The following WDR4 variants were observed in gnomAD, a reference collection of about 807,000 sequenced individuals.
WDR4 encodes WDR4 tRNA N7-guanosine methyltransferase non-catalytic subunit.
WDR4 carries 47 observed loss-of-function variants against 48.6 expected under a neutral mutation model. That is an observed-to-expected ratio of 0.97 (90% CI 0.77 to 1.23). The LOEUF (loss-of-function observed/expected upper bound fraction) is 1.23. Among genes scored for constraint, WDR4 ranks in the 50% most tolerant of loss-of-function variants. The pLI is 0.00. For synonymous variants in WDR4, 268 were observed against 230.0 expected, an observed-to-expected ratio of 1.17 and a Z score of -1.49; for missense variants, 606 against 551.6, an observed-to-expected ratio of 1.10 and a Z score of -0.99.
chr21:42,870,778 A>C (rs1442423851), intron 3 of WDR4, among the ~76,000 whole-genome samples: 1 of 152,122 alleles, frequency 6.6e-6, no homozygotes, highest in Non-Finnish European at 1.5e-5. Context: ...AACAAGAGTG[A>C]AACTCCGTCT....
At chr21:42,890,690 C>T in the WDR4 span, among the ~76,000 whole-genome samples, 3 of 152,210 alleles carry the variant, frequency 2.0e-5, no homozygotes, top group Non-Finnish European at 4.4e-5. Context: ...GCTAGAGCTA[C>T]AGGCAGAGTT....
In WDR4 at chr21:42,877,175, G is replaced by A. The variant is rs1245001862; in HGVS notation, c.90-408C>T. On this transcript the variant is annotated intron_variant, in intron 1 of 10. Coordinates refer to ENST00000398208, the MANE Select transcript of WDR4 (RefSeq NM_018669.6). The stretch of plus-strand genomic sequence containing the variant: ...TTTTTTTTTTTTGAGTTGGAGTCTC[G>A]CTCTATCACTCAGGCTGGAGTGCAA... Among the ~76,000 whole-genome samples, 7 of 118,922 alleles carry A rather than the reference G, an allele frequency of 5.9e-5. No homozygotes were observed. The South Asian group carries it at 7.7e-4, about 13-fold the overall frequency. 78.0% of individuals were successfully genotyped at this position (118,922 alleles called of 152,430 possible).
the WDR4 span, among the ~76,000 whole-genome samples, chr21:42,892,870 G>C: frequency 6.6e-6 from 1 of 152,210 alleles, no homozygotes; most frequent in Non-Finnish European, 1.5e-5. Context: ...GAGCTGAAGA[G>C]CTTTAAAACC....
chr21:42,880,408 C>T (rs917211155), upstream of WDR4, among the ~76,000 whole-genome samples: 33 of 152,178 alleles, frequency 2.2e-4, no homozygotes, highest in African/African-American at 6.8e-4. Context: ...TGCAGCTCCT[C>T]TTGATCCAGA....
chr21:42,869,734 C>T (rs1225463643), intron 3 of WDR4, among the ~76,000 whole-genome samples: 1 of 152,122 alleles, frequency 6.6e-6, no homozygotes, highest in Non-Finnish European at 1.5e-5. Flanking sequence ...TCTGGCCAGG[C>T]GCCAGTGGCT....
intron 3 of WDR4, among the ~76,000 whole-genome samples, chr21:42,869,738 A>G (rs1057498719): frequency 1.3e-5 from 2 of 152,216 alleles, no homozygotes; most frequent in African/African-American, 4.8e-5. Context: ...GCCAGGCGCC[A>G]GTGGCTCACA....
rs1231008262 is a variant in WDR4, at chr21:42,862,236, T to G, written c.566+46A>C. 4.6e-6 allele frequency: 7 copies of G among 1,530,488 alleles called. No homozygotes were observed. Among genetic ancestry groups the G allele is most frequent in the Non-Finnish European group, 6.2e-6 (7 of 1,129,838 alleles). 94.8% of individuals were successfully genotyped at this position (1,530,488 alleles called of 1,614,324 possible). On this transcript the variant is annotated intron_variant, in intron 5 of 10. Coordinates refer to ENST00000398208, the MANE Select transcript of WDR4 (RefSeq NM_018669.6). The surrounding 1 kb of genome is among the most constrained non-coding windows in gnomAD (Gnocchi z 4.3). ...GCTGAGCCGCAAGCTGACGCTGTTT[T>G]CAAACAGACCTTCTTTCTGCTGGAG...
At chr21:42,864,625 G>A (rs945587905) in intron 3 of WDR4, among the ~76,000 whole-genome samples, 9 of 152,092 alleles carry the variant, frequency 5.9e-5, no homozygotes, top group Admixed American at 5.2e-4. Flanking sequence ...ATCCAACCCC[G>A]ACCCAGAGTC....
At chr21:42,883,021 C>T (rs187134122), upstream of WDR4, among the ~76,000 whole-genome samples, 125 of 145,628 alleles carry the variant, frequency 8.6e-4, no homozygotes, top group African/African-American at 3.0e-3. Flanking sequence ...ACCGCTTGAA[C>T]GTGGGAGGTG....
intron 3 of WDR4, among the ~76,000 whole-genome samples, chr21:42,872,709 C>A (rs1252985597): frequency 6.6e-6 from 1 of 151,712 alleles, no homozygotes; most frequent in Non-Finnish European, 1.5e-5. Flanking sequence ...CCGAGGCCAG[C>A]GGATCACCTG....
intron 7 of WDR4, 22 bp from the exon 8 acceptor site, chr21:42,854,648 T>G: frequency 6.2e-7 from 1 of 1,611,214 alleles, no homozygotes; most frequent in Non-Finnish European, 8.5e-7. Flanking sequence ...AGAAGCCCAT[T>G]AACTTCACGC....
intron 7 of WDR4, among the ~76,000 whole-genome samples, chr21:42,855,227 G>A (rs986659259): frequency 6.6e-6 from 1 of 152,200 alleles, no homozygotes; most frequent in Non-Finnish European, 1.5e-5. Context: ...TTACACAGCT[G>A]CCTGGCAGGG....
chr21:42,853,011 G>A (rs1314484527), intron 9 of WDR4, among the ~76,000 whole-genome samples: 1 of 152,152 alleles, frequency 6.6e-6, no homozygotes, highest in East Asian at 1.9e-4. Context: ...TGAGACGCAG[G>A]GCGGGCAGGG....
At chr21:42,861,318 A>AGGAAGGGAGG (rs1246721118) in intron 5 of WDR4, among the ~76,000 whole-genome samples, 29 of 99,862 alleles carry the variant, frequency 2.9e-4, no homozygotes, top group Non-Finnish European at 4.0e-4. Flanking sequence ...GAGAAAAGAA[A>AGGAAGGGAGG]GGAAGGGAGG....
intron 3 of WDR4, among the ~76,000 whole-genome samples, chr21:42,865,551 G>A (rs773588639): frequency 1.4e-4 from 22 of 152,156 alleles, no homozygotes; most frequent in African/African-American, 5.1e-4. Context: ...TGCCCCAGCC[G>A]GAGGCTCCCA....
chr21:42,882,709 T>C (rs1439991867), upstream of WDR4, among the ~76,000 whole-genome samples: 2 of 152,016 alleles, frequency 1.3e-5, no homozygotes, highest in Admixed American at 1.3e-4. Flanking sequence ...ACACCTGTAA[T>C]CCCAGCACTT....
At chr21:42,844,863 T>G (rs745744752), downstream of WDR4, among the ~76,000 whole-genome samples, 33 of 152,130 alleles carry the variant, frequency 2.2e-4, no homozygotes, top group Non-Finnish European at 4.4e-4. Flanking sequence ...GCCCCCACCA[T>G]GAGGCTGGCA....
At position 42,862,141 on chromosome 21, in the gene WDR4, G is replaced by A; in HGVS notation, c.566+141C>T. Reference sequence around the variant, plus strand: ...TTCTGCAGGCAGCACCACGGCGCCTGCAGTGACCAAACACCAAGCACGGGG... The same window carrying A: ...TTCTGCAGGCAGCACCACGGCGCCTACAGTGACCAAACACCAAGCACGGGG... On this transcript the variant is annotated intron_variant, in intron 5 of 10. Coordinates refer to ENST00000398208, the MANE Select transcript of WDR4 (RefSeq NM_018669.6). The surrounding 1 kb of genome is among the most constrained non-coding windows in gnomAD (Gnocchi z 4.3). 7 of 694,188 alleles carry A rather than the reference G, an allele frequency of 1.0e-5. No homozygotes were observed. Among genetic ancestry groups the A allele is most frequent in the Non-Finnish European group, 1.4e-5 (6 of 415,300 alleles). 43.0% of individuals were successfully genotyped at this position (694,188 alleles called of 1,614,324 possible). A position where few individuals can be genotyped will look rare whatever the true frequency, so the allele number is the denominator to read the frequency against.
chr21:42,866,719 A>G (rs2058255943), intron 3 of WDR4, among the ~76,000 whole-genome samples: 1 of 151,928 alleles, frequency 6.6e-6, no homozygotes, highest in Non-Finnish European at 1.5e-5. Flanking sequence ...GCATCCCCCA[A>G]ACCTACTCCT....
Sources: allele counts gnomAD v4.1 joint callset (sites outside exome capture counted in the v4.1 genomes callset), GRCh38; gene constraint gnomAD v4.1.1; non-coding constraint Gnocchi (gnomAD v3.1); transcripts MANE v1.5; gene names NCBI Gene and HGNC (gene_info 2026-07-23, HGNC 2026-07-21).